Variants in PPP2R2C observed in about 807,000 individuals in gnomAD.
PPP2R2C encodes protein phosphatase 2, regulatory subunit B, gamma.
Under a neutral mutation model 45.3 loss-of-function variants are expected in PPP2R2C, and 10 were observed. The ratio of observed to expected loss-of-function variants is 0.22; its 90% CI spans 0.14 to 0.37. The LOEUF is 0.37. Among genes scored for constraint, PPP2R2C ranks in the 10% least tolerant of loss-of-function variants. The pLI, the probability that PPP2R2C is intolerant of heterozygous loss-of-function variation, is 1.00. For missense variants in PPP2R2C, 308 were observed against 619.7 expected, an observed-to-expected ratio of 0.50 and a Z score of 5.34; for synonymous variants, 257 against 245.4, an observed-to-expected ratio of 1.05 and a Z score of -0.44.
intron 2 of PPP2R2C, among the ~76,000 whole-genome samples, chr4:6,484,856 CAT>C (rs1175940615): frequency 6.6e-6 from 1 of 151,842 alleles, no homozygotes; most frequent in African/African-American, 2.4e-5. Flanking sequence ...CATAAATAAT[CAT>C]GTCATCTGTG....
At chr4:6,385,020 G>A (rs1239995030) in intron 1 of PPP2R2C, among the ~76,000 whole-genome samples, 2 of 152,182 alleles carry the variant, frequency 1.3e-5, no homozygotes, top group Non-Finnish European at 2.9e-5. Context: ...AGAGGGTCTG[G>A]GAGGGAGGAA....
At chr4:6,399,232 G>T (rs1420539983) in intron 1 of PPP2R2C, among the ~76,000 whole-genome samples, 1 of 152,194 alleles carries the variant, frequency 6.6e-6, no homozygotes, top group Non-Finnish European at 1.5e-5. Context: ...CACTTTAAGG[G>T]GATGGCATTT....
chr4:6,384,549 A>G lies in PPP2R2C; in HGVS notation c.71-3455T>C, dbSNP rs143858252. ...AACGCTGCACATACTTAATGTATAT[A>G]ATTTGATGAGGGTGGGCATACACAC... On this transcript the variant is annotated intron_variant, in intron 1 of 8. Transcript: ENST00000382599. 2.0e-5 allele frequency: 20 copies of G among 979,730 alleles called. No individual in the cohort carries two copies. In the African/African-American group the frequency reaches 3.3e-4, roughly 16 times the overall value. The allele number at this position is 979,730 out of a possible 1,614,324, so 60.7% of individuals were successfully genotyped here.
intron 1 of PPP2R2C, chr4:6,381,815 G>A: frequency 6.2e-7 from 1 of 1,613,892 alleles, no homozygotes; most frequent in Middle Eastern, 1.7e-4. Context: ...TTCCTGGATG[G>A]GCAAGTGTTT....
At chr4:6,348,514 C>T (rs1712218727) in intron 5 of PPP2R2C, among the ~76,000 whole-genome samples, 1 of 152,182 alleles carries the variant, frequency 6.6e-6, no homozygotes, top group Admixed American at 6.5e-5. Context: ...GCTCCCCTTC[C>T]TGCCCCCGGC....
chr4:6,450,016 A>T (rs1028807601), intron 1 of PPP2R2C, among the ~76,000 whole-genome samples: 1 of 152,122 alleles, frequency 6.6e-6, no homozygotes, highest in Non-Finnish European at 1.5e-5. Context: ...ATTCTCTTTC[A>T]TCGAGTTGCC....
At chr4:6,338,267 A>G (rs913734894) in intron 6 of PPP2R2C, among the ~76,000 whole-genome samples, 24 of 152,146 alleles carry the variant, frequency 1.6e-4, no homozygotes, top group Admixed American at 1.3e-4. Context: ...AATCAGCCGA[A>G]ATCTCCATCC....
At chr4:6,432,453 T>C (rs980578943) in intron 1 of PPP2R2C, among the ~76,000 whole-genome samples, 1 of 152,154 alleles carries the variant, frequency 6.6e-6, no homozygotes, top group African/African-American at 2.4e-5. Context: ...TGCTGCCTCG[T>C]TTCCCCCTCT....
Position 6,512,683 on chromosome 4 carries a change from CTGG to C in PPP2R2C, c.49+22585_49+22587del, listed in dbSNP as rs994534967. ...GGTGGTGGTGGTGGTGGTGGTGATA[CTGG>C]TGGTGGTGATGATGGTGAGAGTGTT... On this transcript the variant is annotated intron_variant, in intron 2 of 9. Transcript: ENST00000506140. 3.5e-5 allele frequency among the ~76,000 whole-genome samples: 4 copies of C among 115,570 alleles called. No homozygotes were observed. In the East Asian group the frequency reaches 8.3e-4, roughly 24 times the overall value. The allele number at this position is 115,570 out of a possible 152,430, so 75.8% of individuals were successfully genotyped here.
intron 1 of PPP2R2C, chr4:6,383,518 C>T (rs1467488439): frequency 6.0e-6 from 6 of 1,006,264 alleles, no homozygotes; most frequent in Admixed American, 2.5e-5. Context: ...CCTGCTCTCT[C>T]GGCCTGCAGT....
intron 2 of PPP2R2C, among the ~76,000 whole-genome samples, chr4:6,481,761 C>T (rs1722357071): frequency 6.6e-6 from 1 of 151,876 alleles, no homozygotes; most frequent in Non-Finnish European, 1.5e-5. Context: ...TGTGGATCAC[C>T]TGAGGTCAGG....
chr4:6,346,480 T>G (rs1190121943), intron 6 of PPP2R2C, among the ~76,000 whole-genome samples: 1 of 152,146 alleles, frequency 6.6e-6, no homozygotes, highest in East Asian at 1.9e-4. Context: ...TTGGTGCCAT[T>G]GCTCACCATG....
At chr4:6,346,548 C>G (rs963747714) in intron 6 of PPP2R2C, among the ~76,000 whole-genome samples, 1 of 152,188 alleles carries the variant, frequency 6.6e-6, no homozygotes, top group Non-Finnish European at 1.5e-5. Context: ...CGCCAGCTCC[C>G]GACGGTGGGC....
chr4:6,494,688 C>A (rs1179500115), intron 2 of PPP2R2C, among the ~76,000 whole-genome samples: 1 of 152,164 alleles, frequency 6.6e-6, no homozygotes, highest in Non-Finnish European at 1.5e-5. Context: ...CACAGGGAGG[C>A]ATCAGCTGGG....
intron 6 of PPP2R2C, among the ~76,000 whole-genome samples, chr4:6,343,704 TA>T (rs1055190230): frequency 1.3e-5 from 2 of 150,178 alleles, no homozygotes; most frequent in South Asian, 2.1e-4. Flanking sequence ...AAATTCTGTC[TA>T]AAAAAAAAGA....
intron 1 of PPP2R2C, among the ~76,000 whole-genome samples, chr4:6,425,230 C>T (rs544375485): frequency 1.2e-4 from 18 of 152,188 alleles, no homozygotes; most frequent in African/African-American, 2.7e-4. Flanking sequence ...ATCCACCTGT[C>T]GGCCCCTCCC....
intron 1 of PPP2R2C, among the ~76,000 whole-genome samples, chr4:6,452,450 T>G (rs757551507): frequency 2.0e-5 from 3 of 152,176 alleles, no homozygotes; most frequent in Non-Finnish European, 4.4e-5. Context: ...TGTGTGCTGC[T>G]TCCCTCAGCA....
At chr4:6,363,083 C>T (rs925416581) in intron 5 of PPP2R2C, among the ~76,000 whole-genome samples, 3 of 152,236 alleles carry the variant, frequency 2.0e-5, no homozygotes, top group East Asian at 1.9e-4. Flanking sequence ...ATGCTGACCT[C>T]GACGCAATGG....
chr4:6,557,064 C>A (rs1725425682), intron 1 of PPP2R2C, among the ~76,000 whole-genome samples: 1 of 152,160 alleles, frequency 6.6e-6, no homozygotes, highest in Admixed American at 6.5e-5. Context: ...GGGGTACAAG[C>A]CTCCTTAGAA....
Sources: gnomAD v4.1 joint callset for allele counts (sites outside exome capture counted in the v4.1 genomes callset) on GRCh38, gnomAD v4.1.1 for gene constraint, MANE v1.5 for transcripts, NCBI Gene and HGNC (gene_info 2026-07-23, HGNC 2026-07-21) for gene names.